MPPED2: variants seen among roughly 807,000 people sequenced by gnomAD.
The protein encoded by MPPED2 is metallophosphoesterase domain containing 2, also known as metallophosphoesterase MPPED2.
In MPPED2, 5 loss-of-function variants were observed where a neutral mutation model predicts 33.0. The ratio of observed to expected loss-of-function variants is 0.15; its 90% CI spans 0.08 to 0.32. The LOEUF (loss-of-function observed/expected upper bound fraction) is 0.32. Among genes scored for constraint, MPPED2 ranks in the 10% least tolerant of loss-of-function variants. The pLI is 1.00. For missense variants in MPPED2, 275 were observed against 372.1 expected (o/e 0.74, Z 2.15); for synonymous variants, 136 against 141.9 (o/e 0.96, Z 0.29).
chr11:30,448,814 C>T (rs66582220), intron 4 of MPPED2, among the ~76,000 whole-genome samples: 34,350 of 151,822 alleles, frequency 0.23, 6,155 homozygotes, highest in African/African-American at 0.51. Flanking sequence ...AGCACCACCA[C>T]GCCTGGCTAA....
chr11:30,430,829 A>G (rs1397417124), intron 4 of MPPED2, among the ~76,000 whole-genome samples: 2 of 152,218 alleles, frequency 1.3e-5, no homozygotes, highest in African/African-American at 4.8e-5. Context: ...GTTGCTTGAG[A>G]AAAACCAGCC....
At chr11:30,469,613 GT>G (rs1950864230) in intron 4 of MPPED2, among the ~76,000 whole-genome samples, 2 of 152,160 alleles carry the variant, frequency 1.3e-5, no homozygotes, top group Admixed American at 1.3e-4. Flanking sequence ...CTTTTCTATA[GT>G]TAAAGGTACT....
At chr11:30,459,092 A>AT (rs1183932222) in intron 4 of MPPED2, among the ~76,000 whole-genome samples, 4 of 150,938 alleles carry the variant, frequency 2.7e-5, no homozygotes, top group Middle Eastern at 3.2e-3. Flanking sequence ...CGCCCGGCTA[A>AT]TTTTTTGTAT....
intron 1 of MPPED2, among the ~76,000 whole-genome samples, chr11:30,583,134 CTTTTTTTTTTTTTTTTTT>C (rs199611856): frequency 6.2e-5 from 6 of 96,706 alleles, no homozygotes; most frequent in African/African-American, 2.4e-4. Flanking sequence ...AAGACTTTTT[CTTTTTTTTTTTTTTTTTT>C]TTTTTTTTTT....
chr11:30,548,575 A>T (rs555164703), intron 2 of MPPED2, among the ~76,000 whole-genome samples: 1 of 152,320 alleles, frequency 6.6e-6, no homozygotes, highest in Non-Finnish European at 1.5e-5. Flanking sequence ...AGTAAGTGTT[A>T]GCCATCATTA....
At chr11:30,527,655 GA>G (rs1482673122) in intron 3 of MPPED2, among the ~76,000 whole-genome samples, 1 of 152,162 alleles carries the variant, frequency 6.6e-6, no homozygotes, top group African/African-American at 2.4e-5. Flanking sequence ...GGGGTACTTG[GA>G]AGGGGACAGC....
intron 3 of MPPED2, among the ~76,000 whole-genome samples, chr11:30,535,009 T>C (rs974664151): frequency 6.6e-6 from 1 of 152,184 alleles, no homozygotes; most frequent in Non-Finnish European, 1.5e-5. Context: ...ATGTCAACCA[T>C]ACAAAATGTG....
intron 2 of MPPED2, among the ~76,000 whole-genome samples, chr11:30,574,581 T>C (rs1447552485): frequency 6.6e-6 from 1 of 152,162 alleles, no homozygotes; most frequent in African/African-American, 2.4e-5. Context: ...TTCCCACACT[T>C]GAGCAAGTTG....
intron 3 of MPPED2, among the ~76,000 whole-genome samples, chr11:30,502,757 G>C (rs181120964): frequency 6.6e-6 from 1 of 152,210 alleles, no homozygotes; most frequent in Non-Finnish European, 1.5e-5. Context: ...GAGGGGACTG[G>C]GGGCACATGT....
intron 4 of MPPED2, among the ~76,000 whole-genome samples, chr11:30,490,545 C>G (rs1951930186): frequency 6.6e-6 from 1 of 152,074 alleles, no homozygotes; most frequent in Non-Finnish European, 1.5e-5. Flanking sequence ...GAGCCCCTTT[C>G]CTTCCAGACC....
chr11:30,494,972 C>T (rs1952186815), intron 4 of MPPED2, among the ~76,000 whole-genome samples: 1 of 151,972 alleles, frequency 6.6e-6, no homozygotes, highest in South Asian at 2.1e-4. Flanking sequence ...AAATACTACA[C>T]CATTTTATAT....
chr11:30,430,742 T>G (rs1949042680), intron 4 of MPPED2, among the ~76,000 whole-genome samples: 1 of 152,230 alleles, frequency 6.6e-6, no homozygotes, highest in South Asian at 2.1e-4. Flanking sequence ...ATGATTGGAA[T>G]ATCCAGTAAA....
At chr11:30,569,856 C>T (rs1224816362) in intron 2 of MPPED2, among the ~76,000 whole-genome samples, 1 of 152,130 alleles carries the variant, frequency 6.6e-6, no homozygotes, top group East Asian at 1.9e-4. Context: ...GCAATTTTGT[C>T]TCATCTCCCT....
At chr11:30,502,298 A>G (rs1328810340) in intron 3 of MPPED2, among the ~76,000 whole-genome samples, 2 of 152,172 alleles carry the variant, frequency 1.3e-5, no homozygotes, top group African/African-American at 4.8e-5. Context: ...TCCTCATGCC[A>G]TTATCCATCT....
At chr11:30,508,567 A>G (rs1952969057) in intron 3 of MPPED2, among the ~76,000 whole-genome samples, 2 of 152,196 alleles carry the variant, frequency 1.3e-5, no homozygotes, top group Admixed American at 1.3e-4. Flanking sequence ...TCCATGGTTG[A>G]CAGCCCTAGC....
At chr11:30,557,900 A>C (rs1956058409) in intron 2 of MPPED2, among the ~76,000 whole-genome samples, 2 of 152,234 alleles carry the variant, frequency 1.3e-5, no homozygotes, top group Admixed American at 1.3e-4. Flanking sequence ...GTGAGAACTC[A>C]CTAATGAATT....
intron 3 of MPPED2, among the ~76,000 whole-genome samples, chr11:30,527,092 A>AT (rs776863532): frequency 1.5e-4 from 23 of 149,588 alleles, no homozygotes; most frequent in Middle Eastern, 3.4e-3. Flanking sequence ...CGCCCAGCTA[A>AT]TTTTTTTTTG....
At chr11:30,408,162 C>T (rs1478301578), downstream of MPPED2, among the ~76,000 whole-genome samples, 2 of 152,218 alleles carry the variant, frequency 1.3e-5, no homozygotes, top group Admixed American at 6.5e-5. Flanking sequence ...GGCAGCCACA[C>T]TGTCCCAAGG....
rs539426556 is a variant in MPPED2 at position 30,570,893 on chromosome 11, C to T, written c.128+9353G>A. 1.3e-3 allele frequency among the ~76,000 whole-genome samples: 195 copies of T among 152,260 alleles called. 1 individual carries two copies. The highest frequency in any genetic ancestry group is 4.5e-3 in the African/African-American group (185 of 41,550). ...AATGCCAAAAAAGCCCACAGCAAGACAGGAAAGGATATTTTTCCAATCCAA... is the reference window on the plus strand; with the variant it reads ...AATGCCAAAAAAGCCCACAGCAAGATAGGAAAGGATATTTTTCCAATCCAA... On this transcript the variant is annotated intron_variant, in intron 2 of 6. Coordinates refer to ENST00000358117, the MANE Select transcript of MPPED2 (RefSeq NM_001584.3).
Sources: allele counts gnomAD v4.1 joint callset (sites outside exome capture counted in the v4.1 genomes callset), GRCh38; gene constraint gnomAD v4.1.1; transcripts MANE v1.5; gene names NCBI Gene and HGNC (gene_info 2026-07-23, HGNC 2026-07-21).